RNF6: variants seen among roughly 807,000 people sequenced by gnomAD.
RNF6 encodes E3 ubiquitin-protein ligase RNF6.
RNF6 carries 21 observed loss-of-function variants against 50.1 expected under a neutral mutation model. The ratio of observed to expected loss-of-function variants is 0.42; its 90% CI spans 0.30 to 0.60. The LOEUF (loss-of-function observed/expected upper bound fraction) is 0.60, where lower values mean the gene tolerates loss of function less well. Among genes scored for constraint, RNF6 ranks in the 20% least tolerant of loss-of-function variants. The pLI, the probability that RNF6 is intolerant of heterozygous loss-of-function variation, is 0.20. For synonymous variants in RNF6, 255 were observed against 291.8 expected, an observed-to-expected ratio of 0.87 and a Z score of 1.29; for missense variants, 698 against 838.2, an observed-to-expected ratio of 0.83 and a Z score of 2.07.
chr13:26,196,207 A>G (rs924947523), intron 5 of RNF6, among the ~76,000 whole-genome samples: 9 of 152,262 alleles, frequency 5.9e-5, no homozygotes, highest in African/African-American at 1.9e-4. Flanking sequence ...GAAAAAAGTT[A>G]TCACAAACAT....
At chr13:26,166,553 A>T (rs918241374) in intron 5 of RNF6, among the ~76,000 whole-genome samples, 9 of 152,200 alleles carry the variant, frequency 5.9e-5, no homozygotes, top group Admixed American at 2.0e-4. Context: ...ATTCCTATAC[A>T]CCAACAACAG....
intron 5 of RNF6, among the ~76,000 whole-genome samples, chr13:26,186,235 T>G (rs889503041): frequency 6.6e-6 from 1 of 152,178 alleles, no homozygotes; most frequent in East Asian, 1.9e-4. Context: ...AAAAGAGAAG[T>G]GAAAGCAAGC....
downstream of RNF6, among the ~76,000 whole-genome samples, chr13:26,212,179 G>A (rs1373537801): frequency 6.6e-6 from 1 of 152,144 alleles, no homozygotes. Context: ...CCTGGGCCAT[G>A]AAAAATGATC....
At chr13:26,168,795 C>T (rs1296405579) in intron 5 of RNF6, among the ~76,000 whole-genome samples, 4 of 152,146 alleles carry the variant, frequency 2.6e-5, no homozygotes, top group South Asian at 2.1e-4. Flanking sequence ...GAGGATTGCT[C>T]GATTGGAGAC....
chr13:26,200,532 T>C (rs536070918), intron 5 of RNF6, among the ~76,000 whole-genome samples: 18 of 151,500 alleles, frequency 1.2e-4, no homozygotes, highest in African/African-American at 4.4e-4. Flanking sequence ...GCCTCAGCCA[T>C]GTAGCTGGGA....
rs367708953 is a variant in RNF6 at position 26,214,007 on chromosome 13, A to G, written c.1875T>C (p.Asp625=). The G allele has an allele frequency of 5.6e-6, 9 of 1,614,106 alleles. No homozygotes were observed. Among genetic ancestry groups the G allele is most frequent in the African/African-American group, 1.3e-5 (1 of 74,918 alleles). The change falls in exon 5 of 5, where the codon GAT becomes GAC. Residue 625 remains aspartate (D), a synonymous_variant. Transcript: ENST00000381588. ...CACTACAGATTTTACCTAGTTCACT[A>G]TCAATACTGTTATGCTCATAGTGCC... The part of the protein sequence containing the change: ...STRHYEHNSI[D]SELGKICSVC...
chr13:26,220,764 G>C (rs1593203839), intron 2 of RNF6, among the ~76,000 whole-genome samples: 1 of 152,318 alleles, frequency 6.6e-6, no homozygotes, highest in East Asian at 1.9e-4. Flanking sequence ...TGACTCAGTA[G>C]AGGCTGGAGG....
intron 5 of RNF6, among the ~76,000 whole-genome samples, chr13:26,180,482 G>A (rs970557240): frequency 7.9e-5 from 12 of 152,176 alleles, no homozygotes; most frequent in Admixed American, 6.5e-4. Flanking sequence ...ATATAACCCA[G>A]GGAACCACAT....
intron 5 of RNF6, among the ~76,000 whole-genome samples, chr13:26,141,572 A>G (rs1870953963): frequency 1.3e-5 from 2 of 152,140 alleles, no homozygotes; most frequent in Non-Finnish European, 2.9e-5. Flanking sequence ...CCAGAAATAA[A>G]GCAGCATATC....
At chr13:26,175,816 T>C (rs1347145983) in intron 5 of RNF6, among the ~76,000 whole-genome samples, 1 of 152,100 alleles carries the variant, frequency 6.6e-6, no homozygotes, top group Non-Finnish European at 1.5e-5. Flanking sequence ...GATTTGAAAA[T>C]GCACATGGAA....
intron 5 of RNF6, among the ~76,000 whole-genome samples, chr13:26,164,903 A>C (rs1211499942): frequency 6.6e-6 from 1 of 152,238 alleles, no homozygotes; most frequent in Non-Finnish European, 1.5e-5. Context: ...GCAGTAGAAA[A>C]GAAAATGCCA....
intron 5 of RNF6, among the ~76,000 whole-genome samples, chr13:26,172,172 A>G (rs766224988): frequency 6.6e-6 from 1 of 152,240 alleles, no homozygotes; most frequent in Non-Finnish European, 1.5e-5. Context: ...GTGAGCATAT[A>G]TAATCTACAT....
chr13:26,135,506 A>G (rs1432729562), intron 5 of RNF6: 1 of 152,216 alleles, frequency 6.6e-6, no homozygotes, highest in Non-Finnish European at 1.5e-5. Flanking sequence ...AAATTAGGAT[A>G]AGAAACAGTG....
intron 5 of RNF6, among the ~76,000 whole-genome samples, chr13:26,173,187 C>T (rs1872786068): frequency 6.6e-6 from 1 of 152,190 alleles, no homozygotes; most frequent in Non-Finnish European, 1.5e-5. Flanking sequence ...GCTGTGCATG[C>T]CCCACAGTTC....
At position 26,214,287 on chromosome 13, in the gene RNF6, T is replaced by G. The variant is rs138783453; in HGVS notation, c.1595A>C (p.His532Pro). 4.3e-6 allele frequency: 7 copies of G among 1,614,164 alleles called. No individual in the cohort carries two copies. The African/African-American group carries it at 9.3e-5, about 22-fold the overall frequency. ...CCTGTCTTGAGAGGAACCTTCCCTG[T>G]GCTGGCTCCTGTTGTTATCTGTACC... ...NLGTDNNRSQ[H>P]REGSSQDRQA... Residue 532 changes from histidine (H) to proline (P), a missense_variant, in exon 5 of 5, where the codon CAC (histidine) becomes CCC (proline). His to Pro is a moderately conservative substitution (Grantham distance 77). Transcript: ENST00000381588.
chr13:26,169,351 G>A (rs925950576), intron 5 of RNF6, among the ~76,000 whole-genome samples: 6 of 151,952 alleles, frequency 3.9e-5, no homozygotes, highest in African/African-American at 1.2e-4. Context: ...GAAAGGGGAG[G>A]AGGGCAAGGG....
At position 26,152,609 on chromosome 13, in the gene RNF6, T is replaced by A. The variant is rs575054550; in HGVS notation, n.769-20158A>T. On this transcript the variant is annotated intron_variant and non_coding_transcript_variant, in intron 5 of 5. Transcript: ENST00000468480. ...AACAGATTTTGACACATGCTATGTG[T>A]CCTCTACACGTGTTTACTGAATCGA... Among the ~76,000 whole-genome samples the A allele has an allele frequency of 9.8e-5, 15 of 152,330 alleles. No individual in the cohort carries two copies. In the South Asian group the frequency reaches 2.9e-3, roughly 29 times the overall value.
intron 5 of RNF6, among the ~76,000 whole-genome samples, chr13:26,197,304 G>A: frequency 6.6e-6 from 1 of 151,914 alleles, no homozygotes; most frequent in East Asian, 1.9e-4. Flanking sequence ...ACCTTAAAAA[G>A]CTTACAACTA....
intron 5 of RNF6, among the ~76,000 whole-genome samples, chr13:26,180,226 A>G (rs1190916400): frequency 6.6e-6 from 1 of 152,152 alleles, no homozygotes; most frequent in Non-Finnish European, 1.5e-5. Context: ...GTCATGTACT[A>G]TTCTTTTTTC....
Sources: allele counts gnomAD v4.1 joint callset (sites outside exome capture counted in the v4.1 genomes callset), GRCh38; gene constraint gnomAD v4.1.1; transcripts MANE v1.5; gene names NCBI Gene and HGNC (gene_info 2026-07-23, HGNC 2026-07-21).